Variants in FBN1 observed in about 807,000 individuals in gnomAD.
The protein encoded by FBN1 is fibrillin-1.
A neutral mutation model predicts 365.1 loss-of-function variants in FBN1; 29 were observed. That is an observed-to-expected ratio of 0.08 (90% CI 0.06 to 0.11). FBN1 has a LOEUF of 0.11. Ranked by LOEUF, FBN1 falls within the 10% of genes least tolerant of loss-of-function variation. FBN1 has a pLI of 1.00. For synonymous variants in FBN1, 1,210 were observed against 1,270.5 expected (o/e 0.95, Z 1.01); for missense variants, 2,476 against 3,703.2 (o/e 0.67, Z 8.60).
chr15:48,634,853 A>G (rs1890060943), intron 2 of FBN1, among the ~76,000 whole-genome samples: 1 of 112,378 alleles, frequency 8.9e-6, no homozygotes, highest in Non-Finnish European at 1.6e-5. Flanking sequence ...AAAAAAAAAA[A>G]AAACCACACA....
intron 9 of FBN1, among the ~76,000 whole-genome samples, chr15:48,521,548 G>T (rs916212973): frequency 6.6e-6 from 1 of 152,202 alleles, no homozygotes; most frequent in African/African-American, 2.4e-5. Context: ...AAAGCAACAT[G>T]GTAAGACGCA....
At chr15:48,425,956 T>C (rs2042977008) in intron 58 of FBN1, 92 bp from the exon 59 acceptor site, 1 of 1,018,154 alleles carries the variant, frequency 9.8e-7, no homozygotes, top group African/African-American at 1.6e-5. Context: ...ACTAATAAAT[T>C]GTGTTACTAT....
intron 30 of FBN1, 23 bp downstream of exon 30, chr15:48,485,351 A>T: frequency 6.2e-7 from 1 of 1,614,194 alleles, no homozygotes; most frequent in Non-Finnish European, 8.5e-7. Flanking sequence ...GAGAGATTCA[A>T]CATGAGGCTA....
intron 7 of FBN1, 106 bp downstream of exon 7, chr15:48,537,505 G>C: frequency 7.1e-7 from 1 of 1,400,312 alleles, no homozygotes; most frequent in East Asian, 2.4e-5. Flanking sequence ...AAATTGTGAA[G>C]TTATGTAGCT....
chr15:48,638,052 T>A (rs1451505556), intron 2 of FBN1, among the ~76,000 whole-genome samples: 3 of 151,788 alleles, frequency 2.0e-5, no homozygotes, highest in Admixed American at 6.6e-5. Context: ...TTTTTTTTTT[T>A]AAGACAGGAT....
intron 17 of FBN1, among the ~76,000 whole-genome samples, chr15:48,500,269 T>C (rs957593500): frequency 5.9e-5 from 9 of 152,196 alleles, no homozygotes; most frequent in East Asian, 3.8e-4. Context: ...AAAAGGACTT[T>C]TAGAGATAAT....
In FBN1 at chr15:48,452,611, G is replaced by A. The variant is rs1045713087; in HGVS notation, c.5496C>T (p.Arg1832=). ...AGCGGTAGCCGGGCTTACAGTCACA[G>A]CGGTAGCTGCCTGCAGTGTTGATGC... is the stretch of plus-strand genomic sequence containing the variant. ...AECINTAGSY[R]CDCKPGYRFT... The change falls in exon 45 of 66, where the codon CGC becomes CGT. Residue 1832 remains arginine, a synonymous_variant. Transcript: ENST00000316623. 6.2e-7 allele frequency: 1 copy of A among 1,614,224 alleles called. No homozygotes were observed. The highest frequency in any genetic ancestry group is 8.5e-7 in the Non-Finnish European group (1 of 1,180,030).
chr15:48,446,143 T>C (rs1868252652), intron 47 of FBN1, among the ~76,000 whole-genome samples: 1 of 152,186 alleles, frequency 6.6e-6, no homozygotes, highest in South Asian at 2.1e-4. Flanking sequence ...ATAAAAATTA[T>C]AGCTGCTAAT....
chr15:48,417,545 A>G (rs937545986), intron 63 of FBN1, among the ~76,000 whole-genome samples: 1 of 143,944 alleles, frequency 6.9e-6, no homozygotes, highest in Admixed American at 7.4e-5. Context: ...CAGGTCTTTG[A>G]TCTTAACTGC....
intron 42 of FBN1, among the ~76,000 whole-genome samples, chr15:48,461,947 G>A (rs1026084413): frequency 1.4e-4 from 21 of 152,154 alleles, no homozygotes; most frequent in African/African-American, 4.8e-4. Context: ...TTCAAAAGTA[G>A]ATGGTGGGAC....
At chr15:48,533,618 G>A (rs1172780813) in intron 8 of FBN1, among the ~76,000 whole-genome samples, 2 of 152,080 alleles carry the variant, frequency 1.3e-5, no homozygotes, top group East Asian at 3.9e-4. Flanking sequence ...AGAAAATCAT[G>A]AGCATGTACT....
At chr15:48,625,534 T>C (rs1031340562) in intron 2 of FBN1, among the ~76,000 whole-genome samples, 1 of 152,238 alleles carries the variant, frequency 6.6e-6, no homozygotes, top group Middle Eastern at 3.4e-3. Context: ...CATGAGACCA[T>C]CAGGGCCAAT....
In FBN1 at chr15:48,452,703, T is replaced by C. The variant is rs568907285; in HGVS notation, c.5423-19A>G. 6.2e-7 allele frequency: 1 copy of C among 1,613,868 alleles called. No homozygotes were observed. Among genetic ancestry groups the C allele is most frequent in the Non-Finnish European group, 8.5e-7 (1 of 1,179,900 alleles). The stretch of plus-strand genomic sequence containing the variant: ...TCAATATCTACGAGCAGAAGAGAAC[T>C]GAATTTGAAGGAGAACAGAATCTGG... On this transcript the variant is annotated intron_variant, in intron 44 of 65. Coordinates refer to ENST00000316623, the MANE Select transcript of FBN1 (RefSeq NM_000138.5).
intron 50 of FBN1, among the ~76,000 whole-genome samples, chr15:48,439,794 A>ACGAAGTCTTGAGTCAGTCTAAGTGG (rs2043099045): frequency 6.6e-6 from 1 of 152,092 alleles, no homozygotes; most frequent in Non-Finnish European, 1.5e-5. Flanking sequence ...ACTCAAATGC[A>ACGAAGTCTTGAGTCAGTCTAAGTGG]CGAAGTCTTG....
At chr15:48,456,227 C>T (rs934695383) in intron 44 of FBN1, among the ~76,000 whole-genome samples, 1 of 152,192 alleles carries the variant, frequency 6.6e-6, no homozygotes, top group Non-Finnish European at 1.5e-5. Flanking sequence ...TCTGCATTAA[C>T]CTTGTTTTCA....
chr15:48,564,959 A>G (rs978583988), intron 6 of FBN1, among the ~76,000 whole-genome samples: 2 of 152,220 alleles, frequency 1.3e-5, no homozygotes, highest in African/African-American at 2.4e-5. Context: ...TTACTTTCCT[A>G]TGTACCAAGT....
intron 6 of FBN1, among the ~76,000 whole-genome samples, chr15:48,569,699 AAT>A (rs2044291033): frequency 6.6e-6 from 1 of 152,182 alleles, no homozygotes; most frequent in South Asian, 2.1e-4. Context: ...AATATAAAAT[AAT>A]ATGTGTTATA....
intron 6 of FBN1, among the ~76,000 whole-genome samples, chr15:48,551,187 G>A (rs2044138596): frequency 6.6e-6 from 1 of 152,082 alleles, no homozygotes; most frequent in African/African-American, 2.4e-5. Context: ...TCTGCTTCCT[G>A]GGGTTGTATG....
chr15:48,494,546 TTC>T (rs1252689699), intron 22 of FBN1, among the ~76,000 whole-genome samples: 2 of 152,190 alleles, frequency 1.3e-5, no homozygotes, highest in Non-Finnish European at 2.9e-5. Flanking sequence ...GAAGGTAGCT[TTC>T]TCTCTTGCTG....
Sources: allele counts gnomAD v4.1 joint callset (sites outside exome capture counted in the v4.1 genomes callset), GRCh38; gene constraint gnomAD v4.1.1; transcripts MANE v1.5; gene names NCBI Gene and HGNC (gene_info 2026-07-23, HGNC 2026-07-21).